Variants in CARS2 observed in about 807,000 individuals in gnomAD.
The protein encoded by CARS2 is probable cysteine--tRNA ligase, mitochondrial.
In CARS2, 52 loss-of-function variants were observed where a neutral mutation model predicts 68.8. The observed-to-expected ratio is 0.76, with a 90% confidence interval of 0.61 to 0.95. The LOEUF is 0.95. Ranked by LOEUF, CARS2 falls within the 40% of genes least tolerant of loss-of-function variation. The pLI is 0.00. For missense variants in CARS2, 780 were observed against 754.2 expected (o/e 1.03, Z -0.40); for synonymous variants, 314 against 303.6 (o/e 1.03, Z -0.36).
intron 6 of CARS2, among the ~76,000 whole-genome samples, chr13:110,681,454 C>T (rs1178234203): frequency 6.6e-6 from 1 of 151,948 alleles, no homozygotes; most frequent in African/African-American, 2.4e-5. Flanking sequence ...TTTTAAAAAG[C>T]ACTGCTGTGA....
chr13:110,664,808 C>G (rs1352570913), intron 8 of CARS2: 3 of 335,164 alleles, frequency 9.0e-6, no homozygotes, highest in Admixed American at 1.3e-4. Context: ...GGAATCAGTG[C>G]TCTCATAACA....
intron 6 of CARS2, among the ~76,000 whole-genome samples, chr13:110,682,783 A>G (rs998627387): frequency 2.0e-5 from 3 of 152,098 alleles, no homozygotes; most frequent in Admixed American, 2.0e-4. Context: ...GGGGAGGAAA[A>G]AGGAGACAGT....
rs1594436909 is a variant in CARS2 at position 110,705,887 on chromosome 13, G to C, written c.207C>G (p.His69Gln). 1 of 1,567,518 alleles carries C rather than the reference G, an allele frequency of 6.4e-7. No homozygotes were observed. Among genetic ancestry groups the C allele is most frequent in the Non-Finnish European group, 8.6e-7 (1 of 1,158,848 alleles). Reference sequence around the variant, plus strand: ...CGGCCCACCAGGAGGCGGCTTCGGCGTGCGCCACGATTAGGGGTTCCTTCC... The same window carrying C: ...CGGCCCACCAGGAGGCGGCTTCGGCCTGCGCCACGATTAGGGGTTCCTTCC... ...TGRKEPLIVA[H>Q]AEAASWYSCG... Residue 69 changes from histidine to glutamine, a missense_variant, in exon 1 of 15, where the codon CAC (histidine) becomes CAG (glutamine). His to Gln is a conservative substitution (Grantham distance 24). Transcript: ENST00000257347. This position sits in a 1 kb window ranked among gnomAD's most constrained non-coding sequence, Gnocchi z 4.0.
intron 6 of CARS2, among the ~76,000 whole-genome samples, chr13:110,681,773 G>C (rs999629242): frequency 9.2e-5 from 14 of 152,214 alleles, no homozygotes; most frequent in Non-Finnish European, 1.8e-4. Flanking sequence ...GCCATGAAAA[G>C]ACACGGAGGA....
upstream of CARS2, among the ~76,000 whole-genome samples, chr13:110,710,442 T>C (rs1594445077): frequency 6.6e-6 from 1 of 151,464 alleles, no homozygotes; most frequent in African/African-American, 2.4e-5. Context: ...GGTTTGAGCA[T>C]TTTCAGTTAG....
chr13:110,711,374 T>C (rs1165176067), upstream of CARS2, among the ~76,000 whole-genome samples: 1 of 152,134 alleles, frequency 6.6e-6, no homozygotes, highest in Non-Finnish European at 1.5e-5. Context: ...CACCATGCCC[T>C]GCTAATTTTT....
rs750963303 is a variant in CARS2, at chr13:110,642,364, G to C, written c.1574C>G (p.Ala525Gly). 1.3e-6 allele frequency: 2 copies of C among 1,556,506 alleles called. No homozygotes were observed. The highest frequency in any genetic ancestry group is 3.9e-5 in the Admixed American group (2 of 51,828). The change falls in exon 14 of 15, where the codon GCA (alanine) becomes GGA (glycine). Residue 525 changes from alanine (A) to glycine (G), a missense_variant. Transcript: ENST00000257347. ...QLLERQPLLE[A>G]CDTLRRGLTA... Reference sequence around the variant, plus strand: ...CAGGCCCCGGCGCAGGGTGTCGCATGCTTCCAGCAGGGGCTGCCTTTCTAG... The same window carrying C: ...CAGGCCCCGGCGCAGGGTGTCGCATCCTTCCAGCAGGGGCTGCCTTTCTAG...
At chr13:110,707,628 C>T (rs540200631), upstream of CARS2, 2 of 140,970 alleles carry the variant, frequency 1.4e-5, no homozygotes, top group African/African-American at 5.1e-5. Flanking sequence ...GCCTGGGCAA[C>T]AGAGGGAGAC....
At chr13:110,712,740 C>T (rs770555840) in intron 1 of CARS2, 1 of 700,582 alleles carries the variant, frequency 1.4e-6, no homozygotes, top group East Asian at 2.7e-5. Flanking sequence ...GAGCGGCCTC[C>T]GAGAACGGTG....
At chr13:110,694,402 T>C (rs969142470) in intron 3 of CARS2, among the ~76,000 whole-genome samples, 5 of 151,406 alleles carry the variant, frequency 3.3e-5, no homozygotes, top group Non-Finnish European at 7.4e-5. Flanking sequence ...CTTGGGAGGC[T>C]GAGGCAGCTG....
chr13:110,661,830 C>A (rs1450935797), intron 9 of CARS2, among the ~76,000 whole-genome samples: 2 of 152,172 alleles, frequency 1.3e-5, no homozygotes, highest in African/African-American at 4.8e-5. Context: ...AAGGAATGGA[C>A]AGTTGGTGGA....
intron 3 of CARS2, among the ~76,000 whole-genome samples, chr13:110,690,673 T>C (rs1042754357): frequency 1.2e-4 from 18 of 152,192 alleles, no homozygotes; most frequent in Non-Finnish European, 2.5e-4. Context: ...AGCCCAAGTG[T>C]GCCTGTGAGC....
chr13:110,685,028 C>T (rs2063259041), intron 5 of CARS2, among the ~76,000 whole-genome samples: 1 of 152,160 alleles, frequency 6.6e-6, no homozygotes, highest in African/African-American at 2.4e-5. Flanking sequence ...AATCCTCAAG[C>T]CTGTGAAGAC....
At chr13:110,646,295 T>C (rs577020166) in intron 11 of CARS2, 3 of 544,470 alleles carry the variant, frequency 5.5e-6, no homozygotes, top group South Asian at 5.4e-5. Context: ...CAAGAAAAAG[T>C]CCCAGAGCAG....
intron 9 of CARS2, among the ~76,000 whole-genome samples, chr13:110,652,824 G>A (rs1292572661): frequency 6.6e-6 from 1 of 152,170 alleles, no homozygotes; most frequent in Non-Finnish European, 1.5e-5. Context: ...TCTGTGAACT[G>A]GGATGGTTCA....
intron 14 of CARS2, among the ~76,000 whole-genome samples, chr13:110,641,821 G>A (rs997090767): frequency 1.3e-5 from 2 of 152,350 alleles, no homozygotes; most frequent in African/African-American, 4.8e-5. Context: ...CAGGACCCAC[G>A]TCCCCGTGCT....
intron 9 of CARS2, among the ~76,000 whole-genome samples, chr13:110,651,535 C>T (rs1036526273): frequency 6.6e-6 from 1 of 152,236 alleles, no homozygotes; most frequent in African/African-American, 2.4e-5. Context: ...CGGTGAACGT[C>T]AGACCCGGCT....
At chr13:110,696,942 A>C (rs6416408) in intron 3 of CARS2, among the ~76,000 whole-genome samples, 1 of 152,260 alleles carries the variant, frequency 6.6e-6, no homozygotes, top group Admixed American at 6.5e-5. Context: ...GACACCCTCC[A>C]AGTACACTGT....
chr13:110,664,141 G>A, intron 8 of CARS2: 1 of 985,060 alleles, frequency 1.0e-6, no homozygotes, highest in Non-Finnish European at 1.2e-6. Context: ...TTTTTACAAG[G>A]CTTATCTCCA....
Sources: allele counts gnomAD v4.1 joint callset (sites outside exome capture counted in the v4.1 genomes callset), GRCh38; gene constraint gnomAD v4.1.1; non-coding constraint Gnocchi (gnomAD v3.1); transcripts MANE v1.5; gene names NCBI Gene and HGNC (gene_info 2026-07-23, HGNC 2026-07-21).